The following GRAMD1C variants were observed in gnomAD, a reference collection of about 807,000 sequenced individuals.
GRAMD1C encodes GRAM domain containing 1C.
Under a neutral mutation model 97.8 loss-of-function variants are expected in GRAMD1C, and 89 were observed. The ratio of observed to expected loss-of-function variants is 0.91; its 90% CI spans 0.77 to 1.09. The LOEUF (loss-of-function observed/expected upper bound fraction) is 1.09. Ranked by LOEUF, GRAMD1C falls within the 50% of genes least tolerant of loss-of-function variation. The probability of loss-of-function intolerance (pLI) is 0.00; values close to 1 mark genes in which losing one functional copy is unlikely to be tolerated. For synonymous variants in GRAMD1C, 256 were observed against 267.0 expected (o/e 0.96, Z 0.40); for missense variants, 740 against 766.4 (o/e 0.97, Z 0.41).
chr3:113,845,486 G>A (rs191791024), intron 2 of GRAMD1C, among the ~76,000 whole-genome samples: 1 of 152,102 alleles, frequency 6.6e-6, no homozygotes, highest in East Asian at 1.9e-4. Context: ...GAGCCCAGGA[G>A]TTTGAGACCA....
chr3:113,830,031 G>A (rs1709537373), intron 1 of GRAMD1C, among the ~76,000 whole-genome samples: 1 of 152,136 alleles, frequency 6.6e-6, no homozygotes, highest in Non-Finnish European at 1.5e-5. Context: ...CTTCCATGGT[G>A]AAATGCAGAA....
At chr3:113,912,905 T>C (rs1936655633) in intron 9 of GRAMD1C, among the ~76,000 whole-genome samples, 1 of 152,180 alleles carries the variant, frequency 6.6e-6, no homozygotes, top group Non-Finnish European at 1.5e-5. Context: ...GAAAATTTAG[T>C]ACAAATTACT....
chr3:113,872,644 C>T (rs1301280533), intron 3 of GRAMD1C, among the ~76,000 whole-genome samples: 4 of 151,150 alleles, frequency 2.6e-5, no homozygotes, highest in Non-Finnish European at 5.9e-5. Context: ...ATCTTCCTGC[C>T]TTGGCCTCCC....
At chr3:113,887,096 G>GTTTTTTTTTTT (rs59820635) in intron 6 of GRAMD1C, among the ~76,000 whole-genome samples, 1 of 94,050 alleles carries the variant, frequency 1.1e-5, no homozygotes, top group Non-Finnish European at 2.1e-5. Context: ...TTTTTTTTTT[G>GTTTTTTTTTTT]TTTTTTTTTT....
In GRAMD1C at chr3:113,838,973, G is replaced by C. The variant is rs373744524; in HGVS notation, c.27+37G>C. 1,623 of 1,214,970 alleles carry C rather than the reference G, an allele frequency of 1.3e-3. 16 individuals carry two copies. In the South Asian group the frequency reaches 0.034, roughly 25 times the overall value. The allele number at this position is 1,214,970 out of a possible 1,614,324, so 75.3% of individuals were successfully genotyped here. A position where few individuals can be genotyped will look rare whatever the true frequency, so the allele number is the denominator to read the frequency against. On this transcript the variant is annotated intron_variant, in intron 1 of 17. Transcript: ENST00000358160. ...GCCTCGCTGGGGCAGGTTCCCATCT[G>C]TGGCTTTAGCCTACTTTTTCTCACG...
chr3:113,833,629 G>T (rs1240595755), intron 1 of GRAMD1C, among the ~76,000 whole-genome samples: 1 of 148,616 alleles, frequency 6.7e-6, no homozygotes, highest in Non-Finnish European at 1.5e-5. Context: ...GGTCTGTACT[G>T]CTACCTCTGA....
intron 9 of GRAMD1C, chr3:113,913,152 G>A (rs879901607): frequency 6.7e-5 from 82 of 1,232,128 alleles, no homozygotes; most frequent in Non-Finnish European, 8.6e-5. Flanking sequence ...GCCCCCAGTG[G>A]CCAAATAGGT....
chr3:113,891,900 T>A (rs999720050), intron 6 of GRAMD1C, among the ~76,000 whole-genome samples: 5 of 150,708 alleles, frequency 3.3e-5, no homozygotes, highest in African/African-American at 9.7e-5. Flanking sequence ...AAAAAAAAAT[T>A]AAGTTCAGAA....
At chr3:113,864,818 A>G (rs994918804) in intron 2 of GRAMD1C, among the ~76,000 whole-genome samples, 2 of 152,148 alleles carry the variant, frequency 1.3e-5, no homozygotes, top group African/African-American at 4.8e-5. Flanking sequence ...ATTTATAGCA[A>G]TCTAGGCTTT....
At chr3:113,892,963 CAAAAG>C (rs1003179940) in intron 6 of GRAMD1C, among the ~76,000 whole-genome samples, 5 of 151,994 alleles carry the variant, frequency 3.3e-5, no homozygotes. Context: ...TGAAAAAAAT[CAAAAG>C]AATAATATTT....
intron 2 of GRAMD1C, among the ~76,000 whole-genome samples, chr3:113,866,892 G>A (rs576743866): frequency 1.1e-4 from 17 of 151,520 alleles, no homozygotes; most frequent in African/African-American, 3.1e-4. Context: ...GCAGTGGCAC[G>A]ATCTTGGCTC....
rs1936952612 is a variant in GRAMD1C at position 113,919,365 on chromosome 3, C to A, written c.1090+3527C>A. 4.4e-5 allele frequency: 22 copies of A among 497,628 alleles called. No homozygotes were observed. The Admixed American group carries it at 4.9e-4, about 11-fold the overall frequency. The allele number at this position is 497,628 out of a possible 1,614,324, so 30.8% of individuals were successfully genotyped here. A position where few individuals can be genotyped will look rare whatever the true frequency, so the allele number is the denominator to read the frequency against. On this transcript the variant is annotated intron_variant, in intron 10 of 17. Transcript: ENST00000358160. ...TCTCTTTATAATGGAGAATCTGTTTCAGGGAAGGTAAATGTAGCCTTTAAG... is the reference window on the plus strand; with the variant it reads ...TCTCTTTATAATGGAGAATCTGTTTAAGGGAAGGTAAATGTAGCCTTTAAG...
chr3:113,838,669 G>T, upstream of GRAMD1C: 1 of 366,530 alleles, frequency 2.7e-6, no homozygotes, highest in Non-Finnish European at 4.9e-6. Flanking sequence ...TTTGAGGTTG[G>T]GAATAGGGAA....
rs554032009 is a variant in GRAMD1C at position 113,880,116 on chromosome 3, G to A, written c.460-2636G>A. On this transcript the variant is annotated intron_variant, in intron 5 of 17. Coordinates refer to ENST00000358160, the MANE Select transcript of GRAMD1C (RefSeq NM_017577.5). ...CTTTTCCACCAATAGCTTTAGGGCT[G>A]AACTGTTCAGGAAGGAAAGAGGAAG... 1.7e-4 allele frequency among the ~76,000 whole-genome samples: 26 copies of A among 152,220 alleles called. No individual in the cohort carries two copies. The South Asian group carries it at 4.4e-3, about 26-fold the overall frequency.
intron 6 of GRAMD1C, among the ~76,000 whole-genome samples, chr3:113,887,057 G>T (rs1319712354): frequency 6.7e-6 from 1 of 149,056 alleles, no homozygotes; most frequent in Non-Finnish European, 1.5e-5. Context: ...TGGGATTACA[G>T]GCATGAGCCA....
At chr3:113,910,792 T>A (rs1450754011) in intron 9 of GRAMD1C, among the ~76,000 whole-genome samples, 1 of 152,126 alleles carries the variant, frequency 6.6e-6, no homozygotes, top group Non-Finnish European at 1.5e-5. Context: ...CAGGCAATGT[T>A]CAATCTCCTC....
In GRAMD1C at chr3:113,838,829, C is replaced by T. The variant is rs1434803898; in HGVS notation, c.-81C>T. On this transcript the variant is annotated 5_prime_UTR_variant, in exon 1 of 18. Coordinates refer to ENST00000358160, the MANE Select transcript of GRAMD1C (RefSeq NM_017577.5). ...GAGGAGGCGCGCGGAGCCTGTAACT[C>T]GCAGCGCGCGCTGGAGGTGGGCGCG... 9.4e-7 allele frequency: 1 copy of T among 1,061,842 alleles called. No homozygotes were observed. The allele number at this position is 1,061,842 out of a possible 1,614,324, so 65.8% of individuals were successfully genotyped here. A position where few individuals can be genotyped will look rare whatever the true frequency, so the allele number is the denominator to read the frequency against.
At position 113,885,239 on chromosome 3, in the gene GRAMD1C, G is replaced by T. The variant is rs563642147; in HGVS notation, c.540+2407G>T. On this transcript the variant is annotated intron_variant, in intron 6 of 17. Transcript: ENST00000358160. The stretch of plus-strand genomic sequence containing the variant: ...TCCCTTCGGCGGGGGTTGCCCCCGG[G>T]GGGCTGGCGGAGCTGGGCCGTGGGG... 1.9e-5 allele frequency: 20 copies of T among 1,036,052 alleles called. No homozygotes were observed. The East Asian group carries it at 5.2e-4, about 27-fold the overall frequency. The allele number at this position is 1,036,052 out of a possible 1,614,324, so 64.2% of individuals were successfully genotyped here.
intron 1 of GRAMD1C, among the ~76,000 whole-genome samples, chr3:113,842,783 T>C (rs1933400714): frequency 6.6e-6 from 1 of 151,884 alleles, no homozygotes; most frequent in East Asian, 1.9e-4. Context: ...GCCAACATGG[T>C]GAAACTCCAT....
Sources: allele counts gnomAD v4.1 joint callset (sites outside exome capture counted in the v4.1 genomes callset), GRCh38; gene constraint gnomAD v4.1.1; transcripts MANE v1.5; gene names NCBI Gene and HGNC (gene_info 2026-07-23, HGNC 2026-07-21).